ERCC6L2: variants seen among roughly 807,000 people sequenced by gnomAD.
The protein encoded by ERCC6L2 is ERCC excision repair 6 like 2, also known as DNA excision repair protein ERCC-6-like 2.
A neutral mutation model predicts 132.0 loss-of-function variants in ERCC6L2; 77 were observed. That is an observed-to-expected ratio of 0.58 (90% CI 0.49 to 0.71). The LOEUF (loss-of-function observed/expected upper bound fraction) is 0.71, where lower values mean the gene tolerates loss of function less well. Ranked by LOEUF, ERCC6L2 falls within the 30% of genes least tolerant of loss-of-function variation. ERCC6L2 has a pLI of 0.00. For synonymous variants in ERCC6L2, 583 were observed against 632.4 expected (o/e 0.92, Z 1.17); for missense variants, 1,542 against 1,837.6 (o/e 0.84, Z 2.94).
intron 14 of ERCC6L2, chr9:95,968,231 C>T (rs1439606613): frequency 6.6e-6 from 1 of 152,112 alleles, no homozygotes; most frequent in Non-Finnish European, 1.5e-5. Context: ...ATGACAGGAC[C>T]ATCCATGTCT....
At chr9:95,983,899 T>C (rs886778727) in intron 17 of ERCC6L2, among the ~76,000 whole-genome samples, 5 of 152,178 alleles carry the variant, frequency 3.3e-5, no homozygotes, top group Admixed American at 3.3e-4. Flanking sequence ...CTTTCGTGTT[T>C]TCTTGTGCTT....
chr9:95,907,396 A>C, intron 4 of ERCC6L2, 125 bp downstream of exon 4: 1 of 744,546 alleles, frequency 1.3e-6, no homozygotes, highest in Non-Finnish European at 1.9e-6. Flanking sequence ...GTAAAGACGG[A>C]GTTTCGCCAC....
At chr9:95,945,815 A>T (rs958506867) in intron 12 of ERCC6L2, among the ~76,000 whole-genome samples, 30 of 152,216 alleles carry the variant, frequency 2.0e-4, no homozygotes, top group African/African-American at 7.0e-4. Flanking sequence ...TGTTGGGAAG[A>T]TGGAGGAAAC....
At chr9:95,951,996 C>T (rs535618588) in intron 12 of ERCC6L2, among the ~76,000 whole-genome samples, 27 of 151,544 alleles carry the variant, frequency 1.8e-4, no homozygotes, top group African/African-American at 5.1e-4. Context: ...ACTGAAACCC[C>T]GTCTCTACTA....
intron 1 of ERCC6L2, among the ~76,000 whole-genome samples, chr9:95,880,221 A>G (rs915475130): frequency 1.3e-5 from 2 of 152,164 alleles, no homozygotes; most frequent in Non-Finnish European, 1.5e-5. Flanking sequence ...GGAGGTTCCC[A>G]TGGTTAGCTG....
chr9:96,023,995 A>G (rs539349774), intron 19 of ERCC6L2, among the ~76,000 whole-genome samples: 1 of 152,288 alleles, frequency 6.6e-6, no homozygotes, highest in South Asian at 2.1e-4. Flanking sequence ...TCTGGTGAGA[A>G]GTGTCAGTAT....
chr9:95,905,241 C>T (rs1236119339), intron 3 of ERCC6L2: 3 of 152,192 alleles, frequency 2.0e-5, no homozygotes, highest in African/African-American at 7.2e-5. Context: ...TTCTTATGTA[C>T]TTTCCCTGGA....
intron 9 of ERCC6L2, among the ~76,000 whole-genome samples, chr9:95,925,289 T>C (rs1288213041): frequency 6.6e-6 from 1 of 152,170 alleles, no homozygotes; most frequent in Non-Finnish European, 1.5e-5. Flanking sequence ...CTTTTCTTTC[T>C]CTTGAGAAAT....
At chr9:95,950,903 A>G (rs1193435977) in intron 12 of ERCC6L2, among the ~76,000 whole-genome samples, 2 of 152,180 alleles carry the variant, frequency 1.3e-5, no homozygotes, top group African/African-American at 2.4e-5. Flanking sequence ...CCTGACTTTC[A>G]TAATAGGTAA....
chr9:96,028,200 C>T (rs75112797), intron 19 of ERCC6L2, among the ~76,000 whole-genome samples: 4,919 of 152,092 alleles, frequency 0.032, 104 homozygotes, highest in East Asian at 0.13. Flanking sequence ...AAGTCCCTAT[C>T]TGTGCATTAA....
intron 9 of ERCC6L2, among the ~76,000 whole-genome samples, chr9:95,924,672 T>G (rs914527347): frequency 6.6e-6 from 1 of 152,110 alleles, no homozygotes; most frequent in African/African-American, 2.4e-5. Flanking sequence ...ACTCTGCATT[T>G]TATATTTTTT....
intron 3 of ERCC6L2, among the ~76,000 whole-genome samples, chr9:95,899,584 TTC>T (rs1017424601): frequency 2.8e-5 from 4 of 141,690 alleles, no homozygotes; most frequent in Admixed American, 1.4e-4. Context: ...CTTTCTTTTT[TTC>T]TCTTTATATA....
intron 18 of ERCC6L2, among the ~76,000 whole-genome samples, chr9:96,006,895 G>C (rs1833881034): frequency 6.6e-6 from 1 of 152,144 alleles, no homozygotes. Context: ...TTTCTGGGTG[G>C]TGTTAAGTTC....
intron 11 of ERCC6L2, among the ~76,000 whole-genome samples, chr9:95,930,097 ATTTG>A (rs1830271456): frequency 6.6e-6 from 1 of 151,834 alleles, no homozygotes; most frequent in African/African-American, 2.4e-5. Context: ...TGATCCTTCT[ATTTG>A]TTGTTTCCTC....
intron 4 of ERCC6L2, among the ~76,000 whole-genome samples, chr9:95,911,149 C>A (rs1218939679): frequency 2.6e-5 from 4 of 152,182 alleles, no homozygotes; most frequent in Admixed American, 2.6e-4. Flanking sequence ...CCCACCTCGG[C>A]CTCCCAAAGT....
downstream of ERCC6L2, chr9:96,020,444 A>C (rs984034555): frequency 4.6e-5 from 14 of 307,500 alleles, no homozygotes; most frequent in South Asian, 4.0e-4. Context: ...GACAGCAGTT[A>C]ATTCACTGAC....
intron 11 of ERCC6L2, among the ~76,000 whole-genome samples, chr9:95,936,200 G>A (rs1362128991): frequency 2.0e-5 from 3 of 152,122 alleles, no homozygotes; most frequent in Admixed American, 6.6e-5. Flanking sequence ...AGAAGAAGAA[G>A]TCTATAGTGA....
intron 18 of ERCC6L2, among the ~76,000 whole-genome samples, chr9:96,009,220 T>G (rs1423032947): frequency 6.6e-6 from 1 of 152,242 alleles, no homozygotes; most frequent in Non-Finnish European, 1.5e-5. Context: ...GATGACAGAC[T>G]CGTCAGCTTC....
chr9:95,984,264 GTATGT>G (rs1234576791), intron 17 of ERCC6L2, among the ~76,000 whole-genome samples: 1 of 148,640 alleles, frequency 6.7e-6, no homozygotes, highest in Non-Finnish European at 1.5e-5. Context: ...CTACATACAT[GTATGT>G]TATGTATATG....
Sources: allele counts gnomAD v4.1 joint callset (sites outside exome capture counted in the v4.1 genomes callset), GRCh38; gene constraint gnomAD v4.1.1; transcripts MANE v1.5; gene names NCBI Gene and HGNC (gene_info 2026-07-23, HGNC 2026-07-21).